SCN3B: variants seen among roughly 807,000 people sequenced by gnomAD.
SCN3B encodes sodium channel regulatory subunit beta-3.
SCN3B carries 11 observed loss-of-function variants against 25.4 expected under a neutral mutation model. The observed-to-expected ratio is 0.43, with a 90% CI of 0.27 to 0.72. SCN3B has a LOEUF of 0.72. SCN3B is among the 30% of genes least tolerant of loss of function. SCN3B has a pLI of 0.18. For synonymous variants in SCN3B, 109 were observed against 110.7 expected, an observed-to-expected ratio of 0.99 and a Z score of 0.09; for missense variants, 218 against 278.3, an observed-to-expected ratio of 0.78 and a Z score of 1.54.
chr11:123,634,141 T>C lies in SCN3B; in HGVS notation c.*2A>G. On this transcript the variant is annotated 3_prime_UTR_variant, in exon 6 of 7. Transcript: ENST00000299333. ...GTCACCTCATGTCACACTGCTCCTG[T>C]TCTATTCCTCCACTGGTACCGCAGA... The C allele has an allele frequency of 6.2e-7, 1 of 1,613,780 alleles. No homozygotes were observed.
intron 3 of SCN3B, among the ~76,000 whole-genome samples, chr11:123,644,800 A>AATATATATATATAT (rs56135097): frequency 2.2e-5 from 1 of 45,588 alleles, no homozygotes; most frequent in Non-Finnish European, 4.1e-5. Context: ...AGAGAGAGAG[A>AATATATATATATAT]ATATATATAT....
chr11:123,654,182 G>C (rs1356432771), intron 1 of SCN3B, 44 bp downstream of exon 1: 1 of 362,206 alleles, frequency 2.8e-6, no homozygotes, highest in African/African-American at 2.1e-5. Context: ...GAGTCGCACT[G>C]CTGGCCTAGC....
chr11:123,644,451 T>C (rs901470167), intron 3 of SCN3B, among the ~76,000 whole-genome samples: 2 of 152,010 alleles, frequency 1.3e-5, no homozygotes, highest in Non-Finnish European at 2.9e-5. Flanking sequence ...GAGTAAATAA[T>C]GGTCATCTCC....
chr11:123,647,772 T>C (rs1340969734), intron 2 of SCN3B, among the ~76,000 whole-genome samples: 4 of 152,220 alleles, frequency 2.6e-5, no homozygotes, highest in African/African-American at 9.6e-5. Context: ...TAGAAGGCAA[T>C]GTATTTATTT....
chr11:123,650,538 G>A (rs1203315891), intron 2 of SCN3B, among the ~76,000 whole-genome samples: 2 of 152,132 alleles, frequency 1.3e-5, no homozygotes, highest in Non-Finnish European at 2.9e-5. Context: ...AAACACACAG[G>A]GCAACTAGAA....
Position 123,642,816 on chromosome 11 carries a change from T to G in SCN3B, c.220-145A>C. On this transcript the variant is annotated intron_variant, in intron 3 of 6. Transcript: ENST00000299333. This position sits in a 1 kb window ranked among gnomAD's most constrained non-coding sequence, Gnocchi z 4.3. ...GACAATGCCACCGGGAGACCCAGAA[T>G]GTGGGGGTGGGATGAAGAGGCACAG... 1 of 716,636 alleles carries G rather than the reference T, an allele frequency of 1.4e-6. No individual in the cohort carries two copies. The highest frequency in any genetic ancestry group is 2.5e-6 in the Non-Finnish European group (1 of 401,796). 44.4% of individuals were successfully genotyped at this position (716,636 alleles called of 1,614,324 possible).
intron 4 of SCN3B, chr11:123,640,666 CT>C (rs1227186442): frequency 6.6e-6 from 1 of 152,246 alleles, no homozygotes; most frequent in Non-Finnish European, 1.5e-5. Context: ...GCCCCTTGCT[CT>C]TGCAGAGAAC....
chr11:123,644,803 AT>A (rs1565496842), intron 3 of SCN3B, among the ~76,000 whole-genome samples: 49 of 23,856 alleles, frequency 2.1e-3, no homozygotes, highest in African/African-American at 7.0e-3. Flanking sequence ...GAGAGAGAAT[AT>A]ATATATATAT....
intron 3 of SCN3B, among the ~76,000 whole-genome samples, chr11:123,644,315 C>T (rs1454835679): frequency 1.3e-5 from 2 of 152,138 alleles, no homozygotes; most frequent in East Asian, 3.9e-4. Context: ...TGCTTTATAT[C>T]CCCACTTTAA....
Position 123,653,812 on chromosome 11 carries a change from T to C in SCN3B, c.-11A>G. ...ATTGAAGGCAGGCATCTTCTGGGGCTGGCGGCTTCCAAGGCTACACAGAGA... is the reference window on the plus strand; with the variant it reads ...ATTGAAGGCAGGCATCTTCTGGGGCCGGCGGCTTCCAAGGCTACACAGAGA... On this transcript the variant is annotated 5_prime_UTR_variant, in exon 2 of 7. Transcript: ENST00000299333. 3.1e-6 allele frequency: 5 copies of C among 1,614,182 alleles called. No individual in the cohort carries two copies. The highest frequency in any genetic ancestry group is 2.5e-6 in the Non-Finnish European group (3 of 1,180,014).
Position 123,642,324 on chromosome 11 carries a change from CA to C in SCN3B, c.445+121del. ...GGTCAATGGTGACATTTTTAGATGT[CA>C]CCATTCCAAATACATGGGTTTTTGC... is the stretch of plus-strand genomic sequence containing the variant. On this transcript the variant is annotated intron_variant, in intron 4 of 6. Transcript: ENST00000299333. The surrounding 1 kb of genome is among the most constrained non-coding windows in gnomAD (Gnocchi z 4.3). 1.1e-6 allele frequency: 1 copy of C among 922,878 alleles called. No homozygotes were observed. The highest frequency in any genetic ancestry group is 1.6e-5 in the African/African-American group (1 of 61,388). The allele number at this position is 922,878 out of a possible 1,614,324, so 57.2% of individuals were successfully genotyped here. A position where few individuals can be genotyped will look rare whatever the true frequency, so the allele number is the denominator to read the frequency against.
At position 123,630,037 on chromosome 11, in the gene SCN3B, G is replaced by T. The variant is rs1410838895; in HGVS notation, c.*3762C>A. 1 of 152,148 alleles carries T rather than the reference G, an allele frequency of 6.6e-6. No individual in the cohort carries two copies. Among genetic ancestry groups the T allele is most frequent in the Non-Finnish European group, 1.5e-5 (1 of 68,030 alleles). 9.4% of individuals were successfully genotyped at this position (152,148 alleles called of 1,614,324 possible). On this transcript the variant is annotated 3_prime_UTR_variant, in exon 7 of 7. Transcript: ENST00000299333. ...TCCAATAATTTTGGGGAGAGAGGAG[G>T]GAGTTGCTGTCTCCTACTTCCCAGC...
At chr11:123,638,444 C>A in intron 4 of SCN3B, 120 bp from the exon 5 acceptor site, 1 of 1,356,928 alleles carries the variant, frequency 7.4e-7, no homozygotes, top group Admixed American at 1.9e-5. Context: ...AAGAAGATGT[C>A]AAAGGTATTC....
intron 5 of SCN3B, among the ~76,000 whole-genome samples, 155 bp downstream of exon 5, chr11:123,638,031 C>T (rs908494813): frequency 6.6e-6 from 1 of 152,134 alleles, no homozygotes; most frequent in African/African-American, 2.4e-5. Context: ...TCAGTGTTCT[C>T]ATCTGTAAAA....
At chr11:123,653,085 C>T (rs1362171417) in intron 2 of SCN3B, among the ~76,000 whole-genome samples, 1 of 151,904 alleles carries the variant, frequency 6.6e-6, no homozygotes, top group Non-Finnish European at 1.5e-5. Flanking sequence ...AAGGCAAAAA[C>T]CCAGCTCTCC....
chr11:123,633,879 T>C, intron 6 of SCN3B, 103 bp from the exon 7 acceptor site: 1 of 450,080 alleles, frequency 2.2e-6, no homozygotes, highest in Non-Finnish European at 4.2e-6. Flanking sequence ...ATCCTGTGCC[T>C]CTGTTACCAT....
intron 3 of SCN3B, among the ~76,000 whole-genome samples, chr11:123,644,766 TGAGA>T (rs371690210): frequency 9.0e-4 from 85 of 94,658 alleles, no homozygotes; most frequent in Middle Eastern, 6.1e-3. Context: ...GAGACCCCGT[TGAGA>T]GAGAGAGAGA....
intron 4 of SCN3B, among the ~76,000 whole-genome samples, chr11:123,641,865 A>G (rs1955795457): frequency 6.6e-6 from 1 of 152,240 alleles, no homozygotes; most frequent in South Asian, 2.1e-4. Context: ...TTTGGTTTAG[A>G]GAGAGGTTCT....
rs1955667863 is a variant in SCN3B at position 123,631,212 on chromosome 11, T to C, written c.*2587A>G. 6.6e-6 allele frequency: 1 copy of C among 152,072 alleles called. No homozygotes were observed. Among genetic ancestry groups the C allele is most frequent in the Admixed American group, 6.5e-5 (1 of 15,268 alleles). 9.4% of individuals were successfully genotyped at this position (152,072 alleles called of 1,614,324 possible). On this transcript the variant is annotated 3_prime_UTR_variant, in exon 7 of 7. Transcript: ENST00000299333. ...TTCATTAAAAGCCACGCAAGCAGCA[T>C]CTGAGTTGGGTTTTTTTAAAAAGAA...
Sources: gnomAD v4.1 joint callset for allele counts (sites outside exome capture counted in the v4.1 genomes callset) on GRCh38, gnomAD v4.1.1 for gene constraint, Gnocchi (gnomAD v3.1) non-coding constraint, MANE v1.5 for transcripts, NCBI Gene and HGNC (gene_info 2026-07-23, HGNC 2026-07-21) for gene names.